CAPZB: variants seen among roughly 807,000 people sequenced by gnomAD.
The protein encoded by CAPZB is F-actin-capping protein subunit beta.
Under a neutral mutation model 38.1 loss-of-function variants are expected in CAPZB, and 2 were observed. The ratio of observed to expected loss-of-function variants is 0.05; its 90% CI spans 0.02 to 0.17. CAPZB has a LOEUF of 0.17. Ranked by LOEUF, CAPZB falls within the 10% of genes least tolerant of loss-of-function variation. The pLI, the probability that CAPZB is intolerant of heterozygous loss-of-function variation, is 1.00. For missense variants in CAPZB, 161 were observed against 334.2 expected (o/e 0.48, Z 4.04); for synonymous variants, 107 against 127.4 (o/e 0.84, Z 1.08).
At chr1:19,399,978 A>T (rs1462797557) in intron 2 of CAPZB, among the ~76,000 whole-genome samples, 1 of 152,154 alleles carries the variant, frequency 6.6e-6, no homozygotes, top group East Asian at 1.9e-4. Flanking sequence ...AGATGCAAGC[A>T]GCTGAGTGAG....
At chr1:19,449,381 A>G in intron 1 of CAPZB, 1 of 987,362 alleles carries the variant, frequency 1.0e-6, no homozygotes, top group Non-Finnish European at 1.2e-6. Flanking sequence ...TCTCTATGCC[A>G]TCCACTAGCA....
intron 1 of CAPZB, among the ~76,000 whole-genome samples, chr1:19,459,928 C>T (rs1259208305): frequency 2.0e-5 from 3 of 152,144 alleles, no homozygotes. Flanking sequence ...AGTTGCAGTC[C>T]TTGTGTTCAA....
At chr1:19,459,851 A>C (rs1348870211) in intron 1 of CAPZB, among the ~76,000 whole-genome samples, 1 of 152,104 alleles carries the variant, frequency 6.6e-6, no homozygotes, top group Non-Finnish European at 1.5e-5. Flanking sequence ...TCATCCCTTT[A>C]TCCAGTGAAT....
intron 1 of CAPZB, chr1:19,484,352 CG>C: frequency 6.4e-7 from 1 of 1,559,694 alleles, no homozygotes; most frequent in Non-Finnish European, 8.7e-7. Flanking sequence ...GGCGATTGTG[CG>C]TTCATCCTTG....
intron 1 of CAPZB, among the ~76,000 whole-genome samples, chr1:19,478,860 G>A (rs558170809): frequency 4.7e-4 from 72 of 152,312 alleles, no homozygotes; most frequent in African/African-American, 1.6e-3. Flanking sequence ...CATAATGAGG[G>A]TGACATGAGA....
At chr1:19,415,404 C>T (rs1014419614) in intron 2 of CAPZB, among the ~76,000 whole-genome samples, 1 of 152,206 alleles carries the variant, frequency 6.6e-6, no homozygotes, top group Non-Finnish European at 1.5e-5. Context: ...TCTGAAACTA[C>T]CGCTTTGGGA....
At chr1:19,456,860 G>A (rs2094534686) in intron 1 of CAPZB, among the ~76,000 whole-genome samples, 1 of 152,232 alleles carries the variant, frequency 6.6e-6, no homozygotes, top group Non-Finnish European at 1.5e-5. Context: ...AAAAGGTATT[G>A]TTGCATGGGT....
At chr1:19,360,781 C>G (rs1047891899) in intron 4 of CAPZB, among the ~76,000 whole-genome samples, 1 of 152,202 alleles carries the variant, frequency 6.6e-6, no homozygotes, top group East Asian at 1.9e-4. Context: ...TTCTCCTTGG[C>G]GGGCCACGGT....
chr1:19,468,762 A>G (rs919445821), intron 1 of CAPZB, among the ~76,000 whole-genome samples: 1 of 150,660 alleles, frequency 6.6e-6, no homozygotes, highest in Admixed American at 6.6e-5. Context: ...AGCACCCGCC[A>G]TGCCCTCCTG....
In CAPZB at chr1:19,339,433, GGGGA is replaced by G; in HGVS notation, c.*93_*96del. ...TGATGCAGCTGTTATGTGACCTGTC[GGGGA>G]GGGAAGGGACGAGGGAAGGGAGCAG... On this transcript the variant is annotated 3_prime_UTR_variant, in exon 9 of 9. Coordinates refer to ENST00000264202, the MANE Select transcript of CAPZB (RefSeq NM_004930.5). 1 of 878,476 alleles carries G rather than the reference GGGGA, an allele frequency of 1.1e-6. No individual in the cohort carries two copies. Among genetic ancestry groups the G allele is most frequent in the East Asian group, 2.4e-5 (1 of 41,574 alleles). The allele number at this position is 878,476 out of a possible 1,614,324, so 54.4% of individuals were successfully genotyped here. A position where few individuals can be genotyped will look rare whatever the true frequency, so the allele number is the denominator to read the frequency against.
chr1:19,409,863 C>T (rs2094349944), intron 2 of CAPZB, among the ~76,000 whole-genome samples: 1 of 152,248 alleles, frequency 6.6e-6, no homozygotes, highest in African/African-American at 2.4e-5. Flanking sequence ...CTAAAGGCCT[C>T]TTCCATCTCA....
chr1:19,423,133 C>T (rs2094408154), intron 1 of CAPZB, among the ~76,000 whole-genome samples: 1 of 152,160 alleles, frequency 6.6e-6, no homozygotes, highest in Admixed American at 6.5e-5. Context: ...TCATATTTTG[C>T]ATTAATCCCA....
At chr1:19,485,278 C>G (rs1437566425) in intron 1 of CAPZB, among the ~76,000 whole-genome samples, 158 bp downstream of exon 1, 5 of 151,994 alleles carry the variant, frequency 3.3e-5, no homozygotes. Flanking sequence ...CGGCGGCACC[C>G]TCCTGGGCGG....
intron 2 of CAPZB, among the ~76,000 whole-genome samples, chr1:19,388,032 G>A (rs985408483): frequency 3.9e-5 from 6 of 152,190 alleles, no homozygotes; most frequent in Non-Finnish European, 8.8e-5. Context: ...TGAGGATCCG[G>A]TGCTTCACCC....
At chr1:19,442,429 G>A (rs1226531907) in intron 1 of CAPZB, among the ~76,000 whole-genome samples, 1 of 152,056 alleles carries the variant, frequency 6.6e-6, no homozygotes, top group African/African-American at 2.4e-5. Context: ...ATAATTGGGG[G>A]CTCATTATAT....
At chr1:19,346,973 A>C (rs2093964927) in intron 6 of CAPZB, among the ~76,000 whole-genome samples, 1 of 150,444 alleles carries the variant, frequency 6.6e-6, no homozygotes. Context: ...ACAGGTGCCC[A>C]CCACCACGTC....
In CAPZB at chr1:19,344,450, G is replaced by A; in HGVS notation, c.655-16C>T. On this transcript the variant is annotated splice_polypyrimidine_tract_variant and intron_variant, in intron 7 of 8. Coordinates refer to ENST00000264202, the MANE Select transcript of CAPZB (RefSeq NM_004930.5). ...TTTCCATGTCCTGGAAGGGAGGTCG[G>A]TCAGCGCAGTGGCAAAAGGTCAGGA... 6.2e-7 allele frequency: 1 copy of A among 1,608,200 alleles called. No individual in the cohort carries two copies. The highest frequency in any genetic ancestry group is 1.3e-5 in the African/African-American group (1 of 74,944).
chr1:19,391,071 C>CT (rs11388908), intron 2 of CAPZB, among the ~76,000 whole-genome samples: 95,665 of 149,912 alleles, frequency 0.64, 30,574 homozygotes, highest in African/African-American at 0.71. Flanking sequence ...AAACTGAACA[C>CT]TTTTTTTTTT....
At chr1:19,378,308 T>C (rs148343866) in intron 4 of CAPZB, among the ~76,000 whole-genome samples, 1 of 152,112 alleles carries the variant, frequency 6.6e-6, no homozygotes, top group East Asian at 1.9e-4. Flanking sequence ...TATGACCGAG[T>C]CATCTCATAA....
Sources: allele counts gnomAD v4.1 joint callset (sites outside exome capture counted in the v4.1 genomes callset), GRCh38; gene constraint gnomAD v4.1.1; transcripts MANE v1.5; gene names NCBI Gene and HGNC (gene_info 2026-07-23, HGNC 2026-07-21).